FBXW11: variants seen among roughly 807,000 people sequenced by gnomAD.
FBXW11 encodes the protein F-box and WD repeat domain containing 11, also known as F-box/WD repeat-containing protein 11.
FBXW11 carries 19 observed loss-of-function variants against 77.6 expected under a neutral mutation model. The ratio of observed to expected loss-of-function variants is 0.24; its 90% CI spans 0.17 to 0.36. The LOEUF (loss-of-function observed/expected upper bound fraction) is 0.36, where lower values mean the gene tolerates loss of function less well. Among genes scored for constraint, FBXW11 ranks in the 10% least tolerant of loss-of-function variants. The pLI is 1.00. For synonymous variants in FBXW11, 235 were observed against 249.4 expected (o/e 0.94, Z 0.54); for missense variants, 334 against 704.2 (o/e 0.47, Z 5.95).
intron 1 of FBXW11, among the ~76,000 whole-genome samples, chr5:171,963,186 T>TACAC (rs56222437): frequency 1.7e-4 from 25 of 150,508 alleles, no homozygotes; most frequent in African/African-American, 5.9e-4. Context: ...TAAATACACA[T>TACAC]ACACACACAC....
chr5:171,984,336 TATACAA>T (rs1765316022), intron 1 of FBXW11, among the ~76,000 whole-genome samples: 1 of 152,246 alleles, frequency 6.6e-6, no homozygotes, highest in Non-Finnish European at 1.5e-5. Flanking sequence ...AAAACATACC[TATACAA>T]ATGCTCTTTT....
chr5:171,952,436 TATATATATA>T (rs1170513949), intron 2 of FBXW11, among the ~76,000 whole-genome samples: 2 of 17,598 alleles, frequency 1.1e-4, no homozygotes, highest in African/African-American at 1.9e-4. Flanking sequence ...TATATATATA[TATATATATA>T]TATTTTTTTT....
intron 2 of FBXW11, among the ~76,000 whole-genome samples, chr5:171,922,504 C>T (rs937551323): frequency 6.6e-6 from 1 of 152,116 alleles, no homozygotes; most frequent in African/African-American, 2.4e-5. Flanking sequence ...ATAGCAGTTC[C>T]TATCTCTCAA....
intron 2 of FBXW11, among the ~76,000 whole-genome samples, chr5:171,930,754 T>TAAAAAAAAAAAAAAAAAAAAAAAAAA (rs1300857997): frequency 5.9e-4 from 19 of 32,290 alleles, no homozygotes; most frequent in South Asian, 8.3e-4. Context: ...AAATAAAAAA[T>TAAAAAAAAAAAAAAAAAAAAAAAAAA]AAAAAAATAA....
At chr5:171,977,455 T>C (rs1033363174) in intron 1 of FBXW11, among the ~76,000 whole-genome samples, 6 of 152,140 alleles carry the variant, frequency 3.9e-5, no homozygotes, top group Non-Finnish European at 2.9e-5. Context: ...GAATATGCCA[T>C]GAACTGAAGA....
chr5:171,893,515 A>T (rs547960048), intron 6 of FBXW11, among the ~76,000 whole-genome samples: 1 of 150,276 alleles, frequency 6.7e-6, no homozygotes. Context: ...GCGACTTTTT[A>T]AAAAGAGGTC....
intron 1 of FBXW11, among the ~76,000 whole-genome samples, chr5:171,984,196 C>T (rs76835692): frequency 0.012 from 1,878 of 152,268 alleles, 38 homozygotes; most frequent in African/African-American, 0.042. Flanking sequence ...AAGAGGAAGC[C>T]TTGAAATGCT....
At position 171,930,768 on chromosome 5, in the gene FBXW11, A is replaced by AAT. The variant is rs552348183; in HGVS notation, c.148-16364_148-16363insAT. 5.2e-4 allele frequency among the ~76,000 whole-genome samples: 78 copies of AAT among 148,874 alleles called. 2 individuals are homozygous for AAT. In the South Asian group the frequency reaches 0.014, roughly 27 times the overall value. ...AAAATAAAAAATAAAAAAATAAAAA[A>AAT]AAAAAAAAGAAAAACTGAAAGAATT... On this transcript the variant is annotated intron_variant, in intron 2 of 13. Transcript: ENST00000517395.
At position 171,904,974 on chromosome 5, in the gene FBXW11, A is replaced by G. The variant is rs1760376602; in HGVS notation, c.437-4874T>C. Among the ~76,000 whole-genome samples the G allele has an allele frequency of 6.6e-6, 1 of 152,174 alleles. No individual in the cohort carries two copies. The highest frequency in any genetic ancestry group is 2.1e-4 in the South Asian group (1 of 4,830). ...TTTAGTCCTCTTTGATTCCCCCATCAATTGCTCACAACTAGGCTATCATGA... is the reference window on the plus strand; with the variant it reads ...TTTAGTCCTCTTTGATTCCCCCATCGATTGCTCACAACTAGGCTATCATGA... On this transcript the variant is annotated intron_variant, in intron 4 of 13. Coordinates refer to ENST00000517395, the MANE Select transcript of FBXW11 (RefSeq NM_001378974.1). The surrounding 1 kb of genome is among the most constrained non-coding windows in gnomAD (Gnocchi z 4.0).
intron 10 of FBXW11, 60 bp downstream of exon 10, chr5:171,872,812 G>A: frequency 1.7e-6 from 2 of 1,183,830 alleles, no homozygotes; most frequent in East Asian, 2.3e-5. Flanking sequence ...AGAACTAGGA[G>A]ATGAGTCAAC....
chr5:171,878,632 G>T (rs1258588994), intron 7 of FBXW11, among the ~76,000 whole-genome samples: 1 of 149,126 alleles, frequency 6.7e-6, no homozygotes, highest in African/African-American at 2.5e-5. Context: ...GTGTGTGTGT[G>T]TTTTAATTAG....
chr5:171,901,541 A>G (rs552382840), intron 4 of FBXW11, among the ~76,000 whole-genome samples: 30 of 152,270 alleles, frequency 2.0e-4, no homozygotes, highest in African/African-American at 7.0e-4. Flanking sequence ...TAGATCAAAG[A>G]CCCAAGCTAT....
intron 1 of FBXW11, 121 bp from the exon 2 acceptor site, chr5:171,957,819 G>T: frequency 1.3e-6 from 1 of 779,508 alleles, no homozygotes. Context: ...CAGTTTGGAG[G>T]TTAGGGATGG....
At chr5:171,964,316 T>C (rs1764069637) in intron 1 of FBXW11, among the ~76,000 whole-genome samples, 1 of 152,170 alleles carries the variant, frequency 6.6e-6, no homozygotes. Context: ...AAATAAAAGA[T>C]CAATTTCATG....
In FBXW11 at chr5:171,977,503, ACTTT is replaced by A. The variant is rs774059580; in HGVS notation, c.46-19809_46-19806del. 9.1e-4 allele frequency: 356 copies of A among 390,252 alleles called. 2 individuals carry two copies. Among genetic ancestry groups the A allele is most frequent in the Non-Finnish European group, 5.7e-4 (112 of 197,676 alleles). 24.2% of individuals were successfully genotyped at this position (390,252 alleles called of 1,614,324 possible). On this transcript the variant is annotated intron_variant, in intron 1 of 13. Coordinates refer to ENST00000517395, the MANE Select transcript of FBXW11 (RefSeq NM_001378974.1). ...TATGATCCTCGCCCCCATGGAGATT[ACTTT>A]CTAATAAGAGCTGATTGTCTAGCAG... is the stretch of plus-strand genomic sequence containing the variant.
intron 4 of FBXW11, among the ~76,000 whole-genome samples, chr5:171,900,914 T>A (rs765168031): frequency 6.6e-6 from 1 of 152,184 alleles, no homozygotes; most frequent in African/African-American, 2.4e-5. Flanking sequence ...ATGATCAACA[T>A]GGCCACCACT....
chr5:171,892,673 C>A (rs961488033), intron 6 of FBXW11, among the ~76,000 whole-genome samples: 2 of 152,186 alleles, frequency 1.3e-5, no homozygotes, highest in African/African-American at 2.4e-5. Flanking sequence ...ATACCCAGAG[C>A]ACCAGAAGAC....
In FBXW11 at chr5:171,951,195, C is replaced by T. The variant is rs1194927948; in HGVS notation, c.147+6402G>A. 8.3e-5 allele frequency among the ~76,000 whole-genome samples: 8 copies of T among 96,224 alleles called. No individual in the cohort carries two copies. In the South Asian group the frequency reaches 1.7e-3, roughly 20 times the overall value. 63.1% of individuals were successfully genotyped at this position (96,224 alleles called of 152,430 possible). On this transcript the variant is annotated intron_variant, in intron 2 of 13. Transcript: ENST00000517395. Reference sequence around the variant, plus strand: ...ACTGAAGTTCCTATAATACAACCCCCGCCACAAAAGACAAAAAAAAAATTG... The same window carrying T: ...ACTGAAGTTCCTATAATACAACCCCTGCCACAAAAGACAAAAAAAAAATTG...
intron 6 of FBXW11, among the ~76,000 whole-genome samples, chr5:171,896,407 C>T (rs531172626): frequency 1.6e-4 from 25 of 152,276 alleles, no homozygotes; most frequent in African/African-American, 5.5e-4. Context: ...ACTACTTTCC[C>T]ATAACTGGAC....
Sources: gnomAD v4.1 joint callset for allele counts (sites outside exome capture counted in the v4.1 genomes callset) on GRCh38, gnomAD v4.1.1 for gene constraint, Gnocchi (gnomAD v3.1) non-coding constraint, MANE v1.5 for transcripts, NCBI Gene and HGNC (gene_info 2026-07-23, HGNC 2026-07-21) for gene names.